The following TTC39B variants were observed in gnomAD, a reference collection of about 807,000 sequenced individuals.
TTC39B encodes tetratricopeptide repeat domain 39B.
In TTC39B, 92 loss-of-function variants were observed where a neutral mutation model predicts 96.6. The observed-to-expected ratio is 0.95, with a 90% confidence interval of 0.80 to 1.13. The LOEUF (loss-of-function observed/expected upper bound fraction) is 1.13, where lower values mean the gene tolerates loss of function less well. Ranked by LOEUF, TTC39B falls within the 50% of genes most tolerant of loss-of-function variation. TTC39B has a pLI of 0.00. For missense variants in TTC39B, 955 were observed against 809.3 expected (o/e 1.18, Z -2.18); for synonymous variants, 367 against 299.4 (o/e 1.23, Z -2.33).
chr9:15,268,035 T>A, intron 1 of TTC39B, 87 bp from the exon 2 acceptor site: 1 of 1,211,766 alleles, frequency 8.3e-7, no homozygotes, highest in Non-Finnish European at 1.2e-6. Context: ...AATACACGCA[T>A]TGGGGAGAGT....
intron 3 of TTC39B, chr9:15,224,438 C>T (rs916690896): frequency 3.3e-5 from 5 of 152,300 alleles, no homozygotes; most frequent in Admixed American, 1.3e-4. Flanking sequence ...ACTGTCTCAG[C>T]CATGCTTCAA....
At chr9:15,282,229 T>C (rs1823794433) in intron 1 of TTC39B, among the ~76,000 whole-genome samples, 1 of 152,152 alleles carries the variant, frequency 6.6e-6, no homozygotes, top group African/African-American at 2.4e-5. Context: ...ACAGACCATA[T>C]AACTAGTATC....
At chr9:15,176,741 C>T (rs572485280) in intron 18 of TTC39B, among the ~76,000 whole-genome samples, 19 of 152,274 alleles carry the variant, frequency 1.2e-4, no homozygotes, top group Non-Finnish European at 2.8e-4. Flanking sequence ...AGTGTGGCTA[C>T]ACTCTTCAGA....
chr9:15,246,614 C>G (rs1041181488), intron 2 of TTC39B, among the ~76,000 whole-genome samples: 9 of 152,362 alleles, frequency 5.9e-5, no homozygotes, highest in Admixed American at 2.0e-4. Context: ...ATCTTAAAGA[C>G]TAGCAGTTGC....
exon 20 of TTC39B, chr9:15,167,031 T>A (rs1470039600): frequency 3.8e-5 from 1 of 26,072 alleles, no homozygotes; most frequent in African/African-American, 1.3e-4. Context: ...TATATATATT[T>A]TTTTTTTTTT....
At chr9:15,196,823 T>C (rs910462830) in intron 8 of TTC39B, among the ~76,000 whole-genome samples, 5 of 152,212 alleles carry the variant, frequency 3.3e-5, no homozygotes, top group African/African-American at 1.2e-4. Context: ...TGGTATTGCA[T>C]GCTATAGAAA....
At chr9:15,167,863 A>C (rs1817557316) in exon 20 of TTC39B, 1 of 152,218 alleles carries the variant, frequency 6.6e-6, no homozygotes, top group Non-Finnish European at 1.5e-5. Flanking sequence ...AATCAAATTA[A>C]AATCATCATC....
intron 2 of TTC39B, among the ~76,000 whole-genome samples, chr9:15,237,673 G>A (rs564839152): frequency 5.9e-4 from 86 of 145,842 alleles, no homozygotes; most frequent in Non-Finnish European, 7.3e-4. Flanking sequence ...AAAAAAAGCA[G>A]CTCAGGACCA....
chr9:15,281,411 T>A (rs377526893), intron 1 of TTC39B, among the ~76,000 whole-genome samples: 1 of 152,100 alleles, frequency 6.6e-6, no homozygotes, highest in Non-Finnish European at 1.5e-5. Flanking sequence ...CAGGGAAAAG[T>A]TGTGTGTCCA....
intron 1 of TTC39B, among the ~76,000 whole-genome samples, chr9:15,290,421 A>G (rs1824141042): frequency 1.3e-5 from 2 of 152,172 alleles, no homozygotes; most frequent in Non-Finnish European, 2.9e-5. Flanking sequence ...TCCTTCACAA[A>G]TTGCTCACAA....
chr9:15,214,798 T>C (rs1179057041), intron 3 of TTC39B, among the ~76,000 whole-genome samples: 1 of 152,174 alleles, frequency 6.6e-6, no homozygotes, highest in Non-Finnish European at 1.5e-5. Context: ...TGTATCTATA[T>C]GAGTCATGAT....
At chr9:15,182,663 G>A (rs963891231) in intron 16 of TTC39B, among the ~76,000 whole-genome samples, 1 of 152,042 alleles carries the variant, frequency 6.6e-6, no homozygotes, top group Non-Finnish European at 1.5e-5. Context: ...AATTCTTTTG[G>A]AAGGTAATAG....
chr9:15,163,865 T>TA (rs1817474094), exon 20 of TTC39B: 1 of 152,204 alleles, frequency 6.6e-6, no homozygotes, highest in Non-Finnish European at 1.5e-5. Flanking sequence ...ATCCTAATGG[T>TA]AAAAACAGGC....
chr9:15,231,698 A>G (rs1335360367), intron 2 of TTC39B, among the ~76,000 whole-genome samples: 2 of 152,234 alleles, frequency 1.3e-5, no homozygotes, highest in Non-Finnish European at 2.9e-5. Context: ...AACTTCCCCA[A>G]TAAATCCAAC....
intron 1 of TTC39B, among the ~76,000 whole-genome samples, chr9:15,286,746 T>C (rs10810368): frequency 0.43 from 65,190 of 152,042 alleles, 14,264 homozygotes; most frequent in East Asian, 0.7. Flanking sequence ...AATCTGTCTC[T>C]GGCATTCTAC....
exon 15 of TTC39B, chr9:15,186,961 A>T (rs986695213): frequency 6.8e-6 from 11 of 1,613,642 alleles, no homozygotes; most frequent in Non-Finnish European, 8.5e-6. Context: ...AAGTTACCAC[A>T]TTCTCATTCG....
chr9:15,225,110 ATC>A (rs1036493732), intron 3 of TTC39B, among the ~76,000 whole-genome samples: 2 of 152,342 alleles, frequency 1.3e-5, no homozygotes, highest in African/African-American at 4.8e-5. Flanking sequence ...CAAAGAGAGA[ATC>A]TGTTAATTCT....
intron 8 of TTC39B, among the ~76,000 whole-genome samples, chr9:15,197,746 C>G (rs549658420): frequency 1.3e-5 from 2 of 151,654 alleles, no homozygotes; most frequent in Non-Finnish European, 2.9e-5. Context: ...TTCAAAAAAG[C>G]CAGAAGAAAA....
At chr9:15,289,700 G>A (rs1309436072) in intron 1 of TTC39B, among the ~76,000 whole-genome samples, 1 of 152,130 alleles carries the variant, frequency 6.6e-6, no homozygotes, top group Non-Finnish European at 1.5e-5. Flanking sequence ...TGTCCTACTT[G>A]AGACTTTGGA....
Sources: gnomAD v4.1 joint callset for allele counts (sites outside exome capture counted in the v4.1 genomes callset) on GRCh38, gnomAD v4.1.1 for gene constraint, MANE v1.5 for transcripts, NCBI Gene and HGNC (gene_info 2026-07-23, HGNC 2026-07-21) for gene names.